SEC22C: variants seen among roughly 807,000 people sequenced by gnomAD.
SEC22C encodes the protein SEC22 homolog C, vesicle trafficking protein.
In SEC22C, 29 loss-of-function variants were observed where a neutral mutation model predicts 34.7. That is an observed-to-expected ratio of 0.84 (90% CI 0.62 to 1.14). The LOEUF is 1.14. SEC22C is among the 50% of genes most tolerant of loss of function. The pLI, the probability that SEC22C is intolerant of heterozygous loss-of-function variation, is 0.00. For missense variants in SEC22C, 337 were observed against 369.0 expected (o/e 0.91, Z 0.71); for synonymous variants, 117 against 132.8 (o/e 0.88, Z 0.82).
chr3:42,565,531 CA>C (rs1323414451), intron 2 of SEC22C, among the ~76,000 whole-genome samples: 2 of 152,026 alleles, frequency 1.3e-5, no homozygotes, highest in Admixed American at 6.6e-5. Flanking sequence ...AAGATGTAAC[CA>C]AGATAAAATG....
intron 1 of SEC22C, chr3:42,579,614 A>C (rs1486342273): frequency 6.6e-6 from 1 of 152,652 alleles, no homozygotes; most frequent in African/African-American, 2.4e-5. Flanking sequence ...AAACAAAAAA[A>C]AAAAAAAGAA....
At position 42,550,585 on chromosome 3, in the gene SEC22C, T is replaced by C. The variant is rs1392512055; in HGVS notation, c.*2663A>G. 4 of 985,334 alleles carry C rather than the reference T, an allele frequency of 4.1e-6. No homozygotes were observed. The highest frequency in any genetic ancestry group is 1.7e-5 in the African/African-American group (1 of 57,244). 61.0% of individuals were successfully genotyped at this position (985,334 alleles called of 1,614,324 possible). On this transcript the variant is annotated 3_prime_UTR_variant, in exon 7 of 7. Transcript: ENST00000264454. Reference sequence around the variant, plus strand: ...TTGTGGTCATTACTTGTACTGTTTTTCTAGTGCATCTTTTCCCTTTTGTTT... The same window carrying C: ...TTGTGGTCATTACTTGTACTGTTTTCCTAGTGCATCTTTTCCCTTTTGTTT...
chr3:42,572,634 T>C (rs1005180341), intron 1 of SEC22C, among the ~76,000 whole-genome samples: 5 of 152,164 alleles, frequency 3.3e-5, no homozygotes, highest in African/African-American at 9.7e-5. Context: ...TGGGCAGTAA[T>C]AAGACAGTCC....
intron 1 of SEC22C, among the ~76,000 whole-genome samples, chr3:42,569,279 T>A (rs1314880033): frequency 5.3e-5 from 8 of 152,202 alleles, no homozygotes; most frequent in Non-Finnish European, 7.3e-5. Context: ...TTTCTGCAGT[T>A]GTAATTCTCT....
intron 1 of SEC22C, among the ~76,000 whole-genome samples, chr3:42,589,927 A>T (rs996854880): frequency 6.6e-6 from 1 of 152,170 alleles, no homozygotes; most frequent in Non-Finnish European, 1.5e-5. Context: ...CTTGCGGCAC[A>T]ACACCTTTGC....
In SEC22C at chr3:42,551,419, G is replaced by C; in HGVS notation, c.*1829C>G. ...TGCAGTGGTGTGATTATAGCTCATG[G>C]AAGCCTCAAACTCCTGGACTCAAGG... is the stretch of plus-strand genomic sequence containing the variant. On this transcript the variant is annotated 3_prime_UTR_variant, in exon 7 of 7. Transcript: ENST00000264454. 2.3e-6 allele frequency: 2 copies of C among 856,256 alleles called. No individual in the cohort carries two copies. Among genetic ancestry groups the C allele is most frequent in the Non-Finnish European group, 2.8e-6 (2 of 712,284 alleles). The allele number at this position is 856,256 out of a possible 1,614,324, so 53.0% of individuals were successfully genotyped here. A position where few individuals can be genotyped will look rare whatever the true frequency, so the allele number is the denominator to read the frequency against.
At chr3:42,567,198 A>G (rs918685229) in intron 2 of SEC22C, among the ~76,000 whole-genome samples, 6 of 152,336 alleles carry the variant, frequency 3.9e-5, no homozygotes, top group African/African-American at 1.4e-4. Context: ...CACTGCACCC[A>G]GCTAAGACCC....
At chr3:42,589,605 G>C (rs1028653708) in intron 1 of SEC22C, among the ~76,000 whole-genome samples, 2 of 152,218 alleles carry the variant, frequency 1.3e-5, no homozygotes, top group Non-Finnish European at 2.9e-5. Context: ...AGATCAGCGG[G>C]GGCATTAGGA....
At chr3:42,558,346 G>A (rs1437607456) in intron 4 of SEC22C, among the ~76,000 whole-genome samples, 2 of 151,458 alleles carry the variant, frequency 1.3e-5, no homozygotes, top group Non-Finnish European at 2.9e-5. Context: ...AACTTATCCA[G>A]GCATGGTGAC....
chr3:42,554,874 C>G (rs149165804), intron 6 of SEC22C, among the ~76,000 whole-genome samples: 94 of 152,178 alleles, frequency 6.2e-4, no homozygotes, highest in African/African-American at 2.1e-3. Flanking sequence ...CCTTAGTACA[C>G]AGCTTATATG....
chr3:42,598,997 G>A lies in SEC22C; in HGVS notation c.-28+1963C>T, dbSNP rs1006256168. ...TTTTTTTTGTTTGAGACGGAGTCTCGCTCTGTCACCCAGGCTGGAATGCAG... is the reference window on the plus strand; with the variant it reads ...TTTTTTTTGTTTGAGACGGAGTCTCACTCTGTCACCCAGGCTGGAATGCAG... On this transcript the variant is annotated intron_variant, in intron 1 of 6. Transcript: ENST00000417572. Among the ~76,000 whole-genome samples, 16 of 137,520 alleles carry A rather than the reference G, an allele frequency of 1.2e-4. No homozygotes were observed. The East Asian group carries it at 2.4e-3, about 20-fold the overall frequency. The allele number at this position is 137,520 out of a possible 152,430, so 90.2% of individuals were successfully genotyped here.
intron 2 of SEC22C, 145 bp from the exon 3 acceptor site, chr3:42,563,831 C>T: frequency 6.6e-7 from 1 of 1,526,298 alleles, no homozygotes; most frequent in Non-Finnish European, 8.8e-7. Flanking sequence ...ATTGTCTCTT[C>T]AGTTCGACCT....
chr3:42,563,558 C>T lies in SEC22C; in HGVS notation c.311G>A (p.Gly104Asp), dbSNP rs1447560300. The change falls in exon 3 of 7, where the codon GGC becomes GAC. Residue 104 changes from glycine to aspartate, a missense_variant. Gly to Asp is a moderately conservative substitution (Grantham distance 94, BLOSUM62 -1). Transcript: ENST00000264454. ...FTASYDTTCI[G>D]LASRPYAFLE... ...AAAAGCGTATGGCCTGGAGGCTAGG[C>T]CAATGCAGGTAGTGTCATAGGAAGC... 3.1e-6 allele frequency: 5 copies of T among 1,613,928 alleles called. No individual in the cohort carries two copies. In the Admixed American group the frequency reaches 6.7e-5, roughly 22 times the overall value.
Position 42,550,027 on chromosome 3 carries a change from A to T in SEC22C, c.*3221T>A, listed in dbSNP as rs749592736. On this transcript the variant is annotated 3_prime_UTR_variant, in exon 7 of 7. Transcript: ENST00000264454. The stretch of plus-strand genomic sequence containing the variant: ...CAGGTACACTTCTCATCACAGTAAG[A>T]CTAGCCTAACAGGGGAAAACAGATT... 3.0e-6 allele frequency: 3 copies of T among 985,338 alleles called. No individual in the cohort carries two copies. Among genetic ancestry groups the T allele is most frequent in the African/African-American group, 3.5e-5 (2 of 57,250 alleles). The allele number at this position is 985,338 out of a possible 1,614,324, so 61.0% of individuals were successfully genotyped here.
At position 42,548,053 on chromosome 3, in the gene SEC22C, TAC is replaced by T. The variant is rs1445069932; in HGVS notation, c.*5193_*5194del. The T allele has an allele frequency of 6.5e-6, 1 of 152,680 alleles. No homozygotes were observed. The highest frequency in any genetic ancestry group is 6.5e-5 in the Admixed American group (1 of 15,350). 9.5% of individuals were successfully genotyped at this position (152,680 alleles called of 1,614,324 possible). ...TAGGATATAAATGGCTATACATTTT[TAC>T]ACACTTTTATACAAGTTTAGGTTGT... On this transcript the variant is annotated 3_prime_UTR_variant, in exon 7 of 7. Coordinates refer to ENST00000264454, the MANE Select transcript of SEC22C (RefSeq NM_032970.4).
At chr3:42,568,716 G>C (rs1703419519) in intron 2 of SEC22C, 149 bp downstream of exon 2, 1 of 529,514 alleles carries the variant, frequency 1.9e-6, no homozygotes. Context: ...TTTCTTTTAT[G>C]ATTCTGTTGT....
chr3:42,587,274 G>GA (rs1704643697), intron 1 of SEC22C: 1 of 152,204 alleles, frequency 6.6e-6, no homozygotes, highest in Admixed American at 6.5e-5. Context: ...CTGGACACCT[G>GA]TGTCCTGCTT....
At chr3:42,595,289 CT>C (rs1403702130) in intron 1 of SEC22C, among the ~76,000 whole-genome samples, 1 of 152,016 alleles carries the variant, frequency 6.6e-6, no homozygotes, top group Non-Finnish European at 1.5e-5. Flanking sequence ...TTAATAGTTC[CT>C]TTTTTTCTTT....
chr3:42,557,795 C>T, intron 4 of SEC22C, 99 bp from the exon 5 acceptor site: 1 of 598,502 alleles, frequency 1.7e-6, no homozygotes. Context: ...ATGATAGGTT[C>T]ACTATGTTAA....
Sources: gnomAD v4.1 joint callset for allele counts (sites outside exome capture counted in the v4.1 genomes callset) on GRCh38, gnomAD v4.1.1 for gene constraint, MANE v1.5 for transcripts, NCBI Gene and HGNC (gene_info 2026-07-23, HGNC 2026-07-21) for gene names.